The following UHRF2 variants were observed in gnomAD, a reference collection of about 807,000 sequenced individuals.
UHRF2 encodes the protein E3 ubiquitin-protein ligase UHRF2.
In UHRF2, 23 loss-of-function variants were observed where a neutral mutation model predicts 96.8. That is an observed-to-expected ratio of 0.24 (90% confidence interval 0.17 to 0.34). The LOEUF (loss-of-function observed/expected upper bound fraction) is 0.34. Ranked by LOEUF, UHRF2 falls within the 10% of genes least tolerant of loss-of-function variation. UHRF2 has a pLI of 1.00. For synonymous variants in UHRF2, 385 were observed against 332.6 expected (o/e 1.16, Z -1.72); for missense variants, 685 against 981.5 (o/e 0.70, Z 4.04).
At chr9:6,485,820 A>C (rs979381179) in intron 8 of UHRF2, among the ~76,000 whole-genome samples, 7 of 150,600 alleles carry the variant, frequency 4.6e-5, no homozygotes, top group South Asian at 2.1e-4. Flanking sequence ...AAAAAAAAAA[A>C]AAAAAAAACA....
chr9:6,443,637 C>G (rs890478045), intron 3 of UHRF2, among the ~76,000 whole-genome samples: 3 of 152,090 alleles, frequency 2.0e-5, no homozygotes, highest in African/African-American at 7.2e-5. Flanking sequence ...TTTTTCTTGT[C>G]CATAAACACC....
At chr9:6,446,250 A>G (rs781261459) in intron 3 of UHRF2, among the ~76,000 whole-genome samples, 6 of 151,804 alleles carry the variant, frequency 4.0e-5, no homozygotes, top group Non-Finnish European at 7.4e-5. Flanking sequence ...TCCCAGGTTC[A>G]AGCGATTCTC....
chr9:6,450,189 A>G (rs540206438), intron 3 of UHRF2, among the ~76,000 whole-genome samples: 2 of 152,278 alleles, frequency 1.3e-5, no homozygotes, highest in East Asian at 3.9e-4. Flanking sequence ...ATCAATGTTC[A>G]TAGTTCCTTA....
chr9:6,453,086 A>C (rs1821966959), intron 3 of UHRF2, among the ~76,000 whole-genome samples: 2 of 152,160 alleles, frequency 1.3e-5, no homozygotes. Flanking sequence ...AGACTTAACT[A>C]TGTATGTGTA....
At chr9:6,497,447 C>T (rs894887621) in intron 11 of UHRF2, 87 bp downstream of exon 11, 5 of 1,444,830 alleles carry the variant, frequency 3.5e-6, no homozygotes, top group East Asian at 2.3e-5. Context: ...TGGGTGGGCT[C>T]GAGGAAACAG....
intron 4 of UHRF2, among the ~76,000 whole-genome samples, chr9:6,471,129 T>C (rs780389641): frequency 2.0e-5 from 3 of 152,166 alleles, no homozygotes; most frequent in East Asian, 1.9e-4. Flanking sequence ...CCTGGTAATA[T>C]AGAGCAAAAT....
intron 3 of UHRF2, among the ~76,000 whole-genome samples, chr9:6,438,306 T>C (rs988342311): frequency 6.6e-6 from 1 of 152,174 alleles, no homozygotes; most frequent in Admixed American, 6.5e-5. Flanking sequence ...GGAAGACTTA[T>C]TGGAGATGAT....
At chr9:6,497,913 T>C in intron 11 of UHRF2, 105 bp from the exon 12 acceptor site, 2 of 1,406,786 alleles carry the variant, frequency 1.4e-6, no homozygotes, top group Non-Finnish European at 1.9e-6. Context: ...AGCAGAATAT[T>C]CAGAAGTTGC....
At chr9:6,435,278 G>A (rs1820774716) in intron 3 of UHRF2, among the ~76,000 whole-genome samples, 2 of 152,230 alleles carry the variant, frequency 1.3e-5, no homozygotes, top group South Asian at 2.1e-4. Flanking sequence ...ACAGGCGTAA[G>A]CCACCACACC....
At chr9:6,461,119 T>C (rs1480295625) in intron 4 of UHRF2, among the ~76,000 whole-genome samples, 2 of 152,176 alleles carry the variant, frequency 1.3e-5, no homozygotes, top group Non-Finnish European at 2.9e-5. Context: ...ATAATTGCTA[T>C]GAGGATCTGT....
At position 6,482,175 on chromosome 9, in the gene UHRF2, G is replaced by A. The variant is rs548769971; in HGVS notation, c.1392+76G>A. ...ATAGCAATGTTAATGTCTGTTGATT[G>A]TAAGTGAACCTAACACATGACATTC... On this transcript the variant is annotated intron_variant, in intron 8 of 15. Transcript: ENST00000276893. 53 of 1,200,236 alleles carry A rather than the reference G, an allele frequency of 4.4e-5. No homozygotes were observed. In the African/African-American group the frequency reaches 7.5e-4, roughly 17 times the overall value. The allele number at this position is 1,200,236 out of a possible 1,614,324, so 74.3% of individuals were successfully genotyped here.
At chr9:6,478,083 A>C (rs1469832953) in intron 6 of UHRF2, among the ~76,000 whole-genome samples, 1 of 152,186 alleles carries the variant, frequency 6.6e-6, no homozygotes, top group African/African-American at 2.4e-5. Flanking sequence ...TTGTTGCTTC[A>C]GATGGTTTAT....
chr9:6,448,132 G>T (rs921938929), intron 3 of UHRF2, among the ~76,000 whole-genome samples: 1 of 152,136 alleles, frequency 6.6e-6, no homozygotes, highest in Non-Finnish European at 1.5e-5. Flanking sequence ...GTCCAGATTG[G>T]AATTTGACAG....
At position 6,419,095 on chromosome 9, in the gene UHRF2, A is replaced by G. The variant is rs560776423; in HGVS notation, c.154-1817A>G. Among the ~76,000 whole-genome samples, 11 of 152,162 alleles carry G rather than the reference A, an allele frequency of 7.2e-5. No individual in the cohort carries two copies. The East Asian group carries it at 2.1e-3, about 29-fold the overall frequency. ...CTAATGACTTTGTTTTAACTTAATT[A>G]CCTCTCTAAAGACCCTATCTCAAAA... On this transcript the variant is annotated intron_variant, in intron 1 of 15. Transcript: ENST00000276893.
intron 8 of UHRF2, among the ~76,000 whole-genome samples, chr9:6,483,963 A>C (rs1435776646): frequency 6.6e-6 from 1 of 152,190 alleles, no homozygotes; most frequent in African/African-American, 2.4e-5. Context: ...TGCTGGGATT[A>C]CAGGCGTGAG....
intron 8 of UHRF2, among the ~76,000 whole-genome samples, chr9:6,483,890 T>C (rs373859645): frequency 2.0e-5 from 3 of 152,124 alleles, no homozygotes; most frequent in Admixed American, 6.5e-5. Context: ...GGTTTCTCCA[T>C]GTTGGTCAGG....
intron 3 of UHRF2, among the ~76,000 whole-genome samples, chr9:6,458,507 T>C (rs902035447): frequency 1.3e-5 from 2 of 152,010 alleles, no homozygotes; most frequent in African/African-American, 4.8e-5. Flanking sequence ...AGTTCTGCTC[T>C]CATCTTAGTT....
intron 4 of UHRF2, 143 bp downstream of exon 4, chr9:6,460,934 T>A: frequency 1.5e-6 from 1 of 650,704 alleles, no homozygotes; most frequent in Non-Finnish European, 2.4e-6. Flanking sequence ...AATATTTTTA[T>A]AAATTCTTAA....
intron 1 of UHRF2, among the ~76,000 whole-genome samples, chr9:6,416,901 A>G (rs1030768548): frequency 1.2e-4 from 19 of 152,144 alleles, no homozygotes; most frequent in Non-Finnish European, 2.4e-4. Flanking sequence ...CCTTACCACT[A>G]TAGAGGTGGT....
Sources: allele counts gnomAD v4.1 joint callset (sites outside exome capture counted in the v4.1 genomes callset), GRCh38; gene constraint gnomAD v4.1.1; transcripts MANE v1.5; gene names NCBI Gene and HGNC (gene_info 2026-07-23, HGNC 2026-07-21).